Variants in PHACTR4 observed in about 807,000 individuals in gnomAD.
PHACTR4 encodes phosphatase and actin regulator 4, also known as protein phosphatase 1, regulatory subunit 124.
In PHACTR4, 51 loss-of-function variants were observed where a neutral mutation model predicts 72.7. The observed-to-expected ratio is 0.70, with a 90% CI of 0.56 to 0.89. The LOEUF is 0.89. PHACTR4 is among the 40% of genes least tolerant of loss of function. The pLI is 0.00. For synonymous variants in PHACTR4, 255 were observed against 302.5 expected, an observed-to-expected ratio of 0.84 and a Z score of 1.63; for missense variants, 731 against 861.8, an observed-to-expected ratio of 0.85 and a Z score of 1.90.
Position 28,469,585 on chromosome 1 carries a change from AT to A in PHACTR4, c.823+2820del, listed in dbSNP as rs1462107756. On this transcript the variant is annotated intron_variant, in intron 6 of 13. Coordinates refer to ENST00000373839, the MANE Select transcript of PHACTR4 (RefSeq NM_001048183.3). Reference sequence around the variant, plus strand: ...TATTAATTCAAAAGTAAAAATATTCATTTATGGTCTCATCAGGAATGAGTTT... The same window carrying A: ...TATTAATTCAAAAGTAAAAATATTCATTATGGTCTCATCAGGAATGAGTTT... Among the ~76,000 whole-genome samples the A allele has an allele frequency of 9.2e-5, 14 of 152,324 alleles. No homozygotes were observed. In the East Asian group the frequency reaches 2.5e-3, roughly 27 times the overall value.
At chr1:28,389,767 G>A (rs570407569) in intron 1 of PHACTR4, among the ~76,000 whole-genome samples, 29 of 152,160 alleles carry the variant, frequency 1.9e-4, no homozygotes, top group African/African-American at 6.3e-4. Context: ...GTGAGCCACC[G>A]CGCCTGGCCT....
At chr1:28,416,235 T>C (rs991656479) in intron 2 of PHACTR4, among the ~76,000 whole-genome samples, 1 of 152,162 alleles carries the variant, frequency 6.6e-6, no homozygotes, top group Non-Finnish European at 1.5e-5. Context: ...CTAGTGGTCT[T>C]GATGAGAAAT....
At chr1:28,395,837 T>A (rs556627556) in intron 1 of PHACTR4, among the ~76,000 whole-genome samples, 1 of 108,588 alleles carries the variant, frequency 9.2e-6, no homozygotes, top group Non-Finnish European at 1.8e-5. Context: ...TTTTTTTTTT[T>A]TTTTTAGTAG....
At chr1:28,460,026 C>T (rs1557830048) in intron 3 of PHACTR4, among the ~76,000 whole-genome samples, 186 bp from the exon 4 acceptor site, 1 of 152,146 alleles carries the variant, frequency 6.6e-6, no homozygotes, top group Non-Finnish European at 1.5e-5. Context: ...GTGATGCTTT[C>T]CTGACAGCAC....
intron 2 of PHACTR4, among the ~76,000 whole-genome samples, chr1:28,441,107 A>G (rs141408527): frequency 3.1e-4 from 47 of 152,312 alleles, no homozygotes; most frequent in African/African-American, 1.1e-3. Flanking sequence ...GATATTATTC[A>G]TGTCTATGCC....
In PHACTR4 at chr1:28,377,425, A is replaced by G. The variant is rs543499740; in HGVS notation, c.-39+7600A>G. On this transcript the variant is annotated intron_variant, in intron 1 of 13. Transcript: ENST00000373839. ...TGCTAATTTTTTTTTTTTTTAGTAG[A>G]GATGGGGTTTCACCATGTTGGCCAG... Among the ~76,000 whole-genome samples, 4 of 149,260 alleles carry G rather than the reference A, an allele frequency of 2.7e-5. No individual in the cohort carries two copies. The East Asian group carries it at 5.9e-4, about 22-fold the overall frequency.
intron 2 of PHACTR4, among the ~76,000 whole-genome samples, chr1:28,452,132 G>A (rs547529169): frequency 6.6e-5 from 10 of 152,200 alleles, no homozygotes; most frequent in Admixed American, 6.5e-4. Flanking sequence ...GGTTTCAACT[G>A]TGTGGGTTCT....
intron 2 of PHACTR4, among the ~76,000 whole-genome samples, chr1:28,413,979 AACTG>A (rs1255638198): frequency 3.3e-5 from 5 of 152,208 alleles, no homozygotes; most frequent in Admixed American, 6.5e-5. Context: ...GGGTGAAGAA[AACTG>A]ACTGAAGAGA....
chr1:28,408,645 T>C (rs996596985), intron 2 of PHACTR4, among the ~76,000 whole-genome samples: 2 of 151,264 alleles, frequency 1.3e-5, no homozygotes, highest in Non-Finnish European at 2.9e-5. Flanking sequence ...TGTCTATATA[T>C]GTGTGTGTGT....
At chr1:28,431,172 C>G (rs1656235174) in intron 2 of PHACTR4, among the ~76,000 whole-genome samples, 1 of 137,484 alleles carries the variant, frequency 7.3e-6, no homozygotes, top group East Asian at 2.2e-4. Flanking sequence ...GAGCGAGACT[C>G]CATCTCAAAA....
chr1:28,456,135 C>G (rs1000086547), intron 2 of PHACTR4, among the ~76,000 whole-genome samples: 1 of 152,060 alleles, frequency 6.6e-6, no homozygotes, highest in Non-Finnish European at 1.5e-5. Context: ...CTTTATTTGA[C>G]TCGTGGTTCT....
intron 7 of PHACTR4, among the ~76,000 whole-genome samples, chr1:28,475,347 C>T (rs564408306): frequency 2.0e-5 from 3 of 152,066 alleles, no homozygotes; most frequent in East Asian, 1.9e-4. Flanking sequence ...AAATTACAAC[C>T]GCTAGTTTTA....
chr1:28,418,364 C>T (rs1655255982), intron 2 of PHACTR4, among the ~76,000 whole-genome samples: 1 of 151,706 alleles, frequency 6.6e-6, no homozygotes. Context: ...AACTGTAACC[C>T]CAGCTACTTG....
chr1:28,459,364 A>T, intron 3 of PHACTR4, 106 bp downstream of exon 3: 12 of 755,480 alleles, frequency 1.6e-5, no homozygotes, highest in Non-Finnish European at 2.5e-5. Flanking sequence ...CTATTTGAAG[A>T]GGGTATTTAA....
chr1:28,414,449 A>AAAT (rs1297405389), intron 2 of PHACTR4, among the ~76,000 whole-genome samples: 1 of 147,056 alleles, frequency 6.8e-6, no homozygotes, highest in African/African-American at 2.6e-5. Flanking sequence ...AAAAAAAAAA[A>AAAT]GCACCGCAGC....
At position 28,466,769 on chromosome 1, in the gene PHACTR4, GT is replaced by G; in HGVS notation, c.823+2del. 6.2e-7 allele frequency: 1 copy of G among 1,607,330 alleles called. No individual in the cohort carries two copies. The highest frequency in any genetic ancestry group is 8.5e-7 in the Non-Finnish European group (1 of 1,175,674). The stretch of plus-strand genomic sequence containing the variant: ...CACAGAAATAGCAACCCTGTCATTG[GT>G]AAGTAAGTCTTTAGGCTTCCAGTGT... On this transcript the variant is annotated splice_donor_variant, in intron 6 of 13. Transcript: ENST00000373839. LOFTEE classifies it high-confidence loss of function.
rs1429649352 is a variant in PHACTR4 at position 28,476,278 on chromosome 1, T to C, written c.1593T>C (p.Asp531=). ...AGTACCGAGATGAAGAAGATGAAGA[T>C]GAAAGCTATCAGAGTAAGAAAGGGA... is the stretch of plus-strand genomic sequence containing the variant. ...PIQYRDEEDE[D]ESYQSALANK... Residue 531 remains aspartate (D), a synonymous_variant, in exon 8 of 14, where the codon GAT becomes GAC. Coordinates refer to ENST00000373839, the MANE Select transcript of PHACTR4 (RefSeq NM_001048183.3). The C allele has an allele frequency of 6.3e-7, 1 of 1,597,672 alleles. No homozygotes were observed. Among genetic ancestry groups the C allele is most frequent in the African/African-American group, 1.4e-5 (1 of 73,790 alleles).
chr1:28,458,923 T>C (rs1233643725), intron 2 of PHACTR4, among the ~76,000 whole-genome samples, 162 bp from the exon 3 acceptor site: 3 of 152,206 alleles, frequency 2.0e-5, no homozygotes, highest in Non-Finnish European at 4.4e-5. Flanking sequence ...GATTTTGATG[T>C]TTGGTGTCCA....
chr1:28,370,120 C>G (rs977475153), intron 1 of PHACTR4, among the ~76,000 whole-genome samples: 6 of 152,014 alleles, frequency 3.9e-5, no homozygotes, highest in Non-Finnish European at 5.9e-5. Context: ...GCGTTGCTCC[C>G]CCTTTGTGTC....
Sources: allele counts gnomAD v4.1 joint callset (sites outside exome capture counted in the v4.1 genomes callset), GRCh38; gene constraint gnomAD v4.1.1; transcripts MANE v1.5; gene names NCBI Gene and HGNC (gene_info 2026-07-23, HGNC 2026-07-21).